Variants in TRIM33 observed in about 807,000 individuals in gnomAD.
TRIM33 encodes tripartite motif containing 33.
Under a neutral mutation model 125.4 loss-of-function variants are expected in TRIM33, and 20 were observed. That is an observed-to-expected ratio of 0.16 (90% CI 0.11 to 0.23). TRIM33 has a LOEUF of 0.23. Ranked by LOEUF, TRIM33 falls within the 10% of genes least tolerant of loss-of-function variation. The pLI, the probability that TRIM33 is intolerant of heterozygous loss-of-function variation, is 1.00. For synonymous variants in TRIM33, 564 were observed against 513.9 expected, an observed-to-expected ratio of 1.10 and a Z score of -1.32; for missense variants, 920 against 1,411.4, an observed-to-expected ratio of 0.65 and a Z score of 5.58.
chr1:114,459,778 A>G (rs1395625191), intron 4 of TRIM33, among the ~76,000 whole-genome samples: 1 of 152,188 alleles, frequency 6.6e-6, no homozygotes, highest in African/African-American at 2.4e-5. Flanking sequence ...ATATATATAT[A>G]CAGTTAAACA....
At chr1:114,505,531 T>C (rs1322584460) in intron 1 of TRIM33, among the ~76,000 whole-genome samples, 2 of 152,144 alleles carry the variant, frequency 1.3e-5, no homozygotes, top group African/African-American at 4.8e-5. Context: ...CACATGATTG[T>C]TGCCATCTCA....
At chr1:114,506,909 C>G (rs1191137452) in intron 1 of TRIM33, among the ~76,000 whole-genome samples, 1 of 152,182 alleles carries the variant, frequency 6.6e-6, no homozygotes, top group Admixed American at 6.5e-5. Flanking sequence ...GTTAAAAATG[C>G]AGGCACATGG....
At chr1:114,474,441 G>C (rs1650848506) in intron 1 of TRIM33, among the ~76,000 whole-genome samples, 1 of 151,492 alleles carries the variant, frequency 6.6e-6, no homozygotes, top group Non-Finnish European at 1.5e-5. Context: ...AGGTGTGGTG[G>C]TATTTGCCTG....
At chr1:114,446,342 A>G (rs1475319635) in intron 4 of TRIM33, among the ~76,000 whole-genome samples, 1 of 152,218 alleles carries the variant, frequency 6.6e-6, no homozygotes, top group Non-Finnish European at 1.5e-5. Flanking sequence ...ACCAGCTTTT[A>G]CTTTCTCTTC....
At chr1:114,442,972 C>A (rs1312722815) in intron 4 of TRIM33, among the ~76,000 whole-genome samples, 1 of 151,974 alleles carries the variant, frequency 6.6e-6, no homozygotes. Flanking sequence ...AATATCTGCT[C>A]TCAAGTTTAT....
rs1375823019 is a variant in TRIM33, at chr1:114,396,681, C to T, written c.*967G>A. ...TTTAGTTCACTATTTACAAATAAGA[C>T]AAAGTGAAATACAGAAAATTTTACA... On this transcript the variant is annotated 3_prime_UTR_variant, in exon 20 of 20. Coordinates refer to ENST00000358465, the MANE Select transcript of TRIM33 (RefSeq NM_015906.4). 4.9e-6 allele frequency: 1 copy of T among 204,530 alleles called. No individual in the cohort carries two copies. The highest frequency in any genetic ancestry group is 1.0e-5 in the Non-Finnish European group (1 of 99,546). 12.7% of individuals were successfully genotyped at this position (204,530 alleles called of 1,614,324 possible).
At chr1:114,497,296 A>G (rs35400560) in intron 1 of TRIM33, among the ~76,000 whole-genome samples, 38,045 of 152,070 alleles carry the variant, frequency 0.25, 5,011 homozygotes, top group Middle Eastern at 0.29. Context: ...ATTTACACTT[A>G]AAATTTTTTT....
In TRIM33 at chr1:114,392,869, C is replaced by T. The variant is rs188015577; in HGVS notation, c.*4779G>A. 92 of 188,476 alleles carry T rather than the reference C, an allele frequency of 4.9e-4. 1 individual carries two copies. Among genetic ancestry groups the T allele is most frequent in the African/African-American group, 2.1e-3 (90 of 42,992 alleles). 11.7% of individuals were successfully genotyped at this position (188,476 alleles called of 1,614,324 possible). A position where few individuals can be genotyped will look rare whatever the true frequency, so the allele number is the denominator to read the frequency against. ...AGGGTTTAAAACTAATCTAATACAA[C>T]TTCTACAACACATTCCAGAGCATTA... On this transcript the variant is annotated 3_prime_UTR_variant, in exon 20 of 20. Coordinates refer to ENST00000358465, the MANE Select transcript of TRIM33 (RefSeq NM_015906.4).
At chr1:114,474,264 A>C (rs1011414110) in intron 1 of TRIM33, among the ~76,000 whole-genome samples, 5 of 152,056 alleles carry the variant, frequency 3.3e-5, no homozygotes, top group African/African-American at 1.2e-4. Flanking sequence ...CAAATCATGG[A>C]AACAGTAATT....
intron 6 of TRIM33, among the ~76,000 whole-genome samples, chr1:114,429,248 C>T (rs1339172772): frequency 6.6e-6 from 1 of 151,212 alleles, no homozygotes; most frequent in East Asian, 1.9e-4. Flanking sequence ...AGTGCGGAGG[C>T]GCAATCTTGC....
At chr1:114,484,091 A>G (rs968139687) in intron 1 of TRIM33, among the ~76,000 whole-genome samples, 2 of 152,214 alleles carry the variant, frequency 1.3e-5, no homozygotes, top group Non-Finnish European at 2.9e-5. Flanking sequence ...AAAAATGTAC[A>G]TAACTGAGTT....
At chr1:114,431,989 TTTAA>T (rs1647980393) in intron 5 of TRIM33, among the ~76,000 whole-genome samples, 1 of 152,196 alleles carries the variant, frequency 6.6e-6, no homozygotes, top group Admixed American at 6.5e-5. Context: ...TCCTATTGGA[TTTAA>T]TTAAGTCTAC....
At chr1:114,436,260 G>C (rs974365347) in intron 4 of TRIM33, among the ~76,000 whole-genome samples, 9 of 151,364 alleles carry the variant, frequency 5.9e-5, no homozygotes, top group African/African-American at 2.2e-4. Flanking sequence ...AAATTAGCCC[G>C]GCATGGTGGT....
chr1:114,398,363 T>G (rs1475445066), intron 18 of TRIM33, among the ~76,000 whole-genome samples: 1 of 152,204 alleles, frequency 6.6e-6, no homozygotes, highest in Non-Finnish European at 1.5e-5. Flanking sequence ...TCTATCTGTA[T>G]AGCAATATGT....
chr1:114,443,957 T>C (rs1231903568), intron 4 of TRIM33, among the ~76,000 whole-genome samples: 2 of 152,092 alleles, frequency 1.3e-5, no homozygotes. Context: ...GACTAGCCCT[T>C]GTCACCAAAA....
chr1:114,496,995 A>C (rs1173882578), intron 1 of TRIM33, among the ~76,000 whole-genome samples: 1 of 152,228 alleles, frequency 6.6e-6, no homozygotes, highest in Non-Finnish European at 1.5e-5. Context: ...ATCTAACTCA[A>C]AACAAAATGT....
At chr1:114,509,635 C>G (rs1653216616) in intron 1 of TRIM33, among the ~76,000 whole-genome samples, 1 of 152,208 alleles carries the variant, frequency 6.6e-6, no homozygotes, top group South Asian at 2.1e-4. Flanking sequence ...GTCCTGTGCC[C>G]TGAATACCCT....
intron 15 of TRIM33, among the ~76,000 whole-genome samples, chr1:114,403,286 T>C (rs1422371724): frequency 1.3e-5 from 2 of 152,202 alleles, no homozygotes; most frequent in Non-Finnish European, 2.9e-5. Flanking sequence ...TGGCATGTAT[T>C]AAAATGCCAC....
intron 14 of TRIM33, 76 bp downstream of exon 14, chr1:114,406,865 T>G: frequency 7.0e-7 from 1 of 1,425,650 alleles, no homozygotes; most frequent in South Asian, 1.3e-5. Context: ...CACTACTTAG[T>G]CTTAATATAC....
Sources: allele counts gnomAD v4.1 joint callset (sites outside exome capture counted in the v4.1 genomes callset), GRCh38; gene constraint gnomAD v4.1.1; transcripts MANE v1.5; gene names NCBI Gene and HGNC (gene_info 2026-07-23, HGNC 2026-07-21).